Variants in NAA80 observed in about 807,000 individuals in gnomAD.
NAA80 encodes N-alpha-acetyltransferase 80, NatH catalytic subunit.
In NAA80, 5 loss-of-function variants were observed where a neutral mutation model predicts 8.7. That is an observed-to-expected ratio of 0.58 (90% CI 0.30 to 1.21). The LOEUF (loss-of-function observed/expected upper bound fraction) is 1.21, where lower values mean the gene tolerates loss of function less well. NAA80 is among the 50% of genes most tolerant of loss of function. The pLI is 0.07. For synonymous variants in NAA80, 149 were observed against 156.6 expected, an observed-to-expected ratio of 0.95 and a Z score of 0.36; for missense variants, 360 against 368.6, an observed-to-expected ratio of 0.98 and a Z score of 0.19.
rs1553711607 is a variant in NAA80 at position 50,297,560 on chromosome 3, G to A, written c.-97C>T. 1.3e-6 allele frequency: 2 copies of A among 1,500,776 alleles called. No homozygotes were observed. Among genetic ancestry groups the A allele is most frequent in the African/African-American group, 1.4e-5 (1 of 71,248 alleles). The allele number at this position is 1,500,776 out of a possible 1,614,324, so 93.0% of individuals were successfully genotyped here. A position where few individuals can be genotyped will look rare whatever the true frequency, so the allele number is the denominator to read the frequency against. ...CAGGATCCAGGTTCAGCTGAGTCAG[G>A]CTGGGAGCCAAGGTCACCTGCTGCT... On this transcript the variant is annotated 5_prime_UTR_variant, in exon 2 of 2. Coordinates refer to ENST00000443094, the MANE Select transcript of NAA80 (RefSeq NM_001200016.2). The surrounding 1 kb of genome is among the most constrained non-coding windows in gnomAD (Gnocchi z 4.3).
At chr3:50,299,170 G>C (rs1553711878) in intron 1 of NAA80, 43 bp downstream of exon 1, 2 of 1,614,090 alleles carry the variant, frequency 1.2e-6, no homozygotes, top group Admixed American at 1.7e-5. Flanking sequence ...CGCACGCGCG[G>C]GGTGGACCTA....
In NAA80 at chr3:50,296,506, A is replaced by G. The variant is rs1701844181; in HGVS notation, c.*97T>C. 7.1e-7 allele frequency: 1 copy of G among 1,411,012 alleles called. No individual in the cohort carries two copies. Among genetic ancestry groups the G allele is most frequent in the African/African-American group, 1.4e-5 (1 of 69,930 alleles). 87.4% of individuals were successfully genotyped at this position (1,411,012 alleles called of 1,614,324 possible). ...CATGCCCAGGTTAAAGCTGCCCCCC[A>G]GGGGCTAGGGGCTGAGGTATGGTCA... On this transcript the variant is annotated 3_prime_UTR_variant, in exon 2 of 2. Coordinates refer to ENST00000443094, the MANE Select transcript of NAA80 (RefSeq NM_001200016.2).
rs899740216 is a variant in NAA80 at position 50,297,824 on chromosome 3, C to A, written c.-209-152G>T. 14 of 1,126,170 alleles carry A rather than the reference C, an allele frequency of 1.2e-5. No individual in the cohort carries two copies. The East Asian group carries it at 6.8e-4, about 55-fold the overall frequency. 69.8% of individuals were successfully genotyped at this position (1,126,170 alleles called of 1,614,324 possible). On this transcript the variant is annotated intron_variant, in intron 1 of 1. Coordinates refer to ENST00000443094, the MANE Select transcript of NAA80 (RefSeq NM_001200016.2). This position sits in a 1 kb window ranked among gnomAD's most constrained non-coding sequence, Gnocchi z 4.3. ...ACACTCACCTGATAGCACAGGTGAC[C>A]TGGAAGAGACCCATCCCCTATAGAG...
chr3:50,299,003 C>T (rs1255844579), intron 1 of NAA80: 33 of 1,472,584 alleles, frequency 2.2e-5, no homozygotes, highest in Non-Finnish European at 3.0e-5. Flanking sequence ...TCCCGGGCCT[C>T]GGTTTCCCCC....
intron 1 of NAA80, 28 bp downstream of exon 1, chr3:50,299,185 C>T (rs782470555): frequency 1.9e-6 from 3 of 1,614,134 alleles, no homozygotes; most frequent in Non-Finnish European, 2.5e-6. Flanking sequence ...GACCTACAGG[C>T]AGCAAATGGG....
In NAA80 at chr3:50,297,963, T is replaced by C. The variant is rs1374944033; in HGVS notation, c.-209-291A>G. 2 of 988,396 alleles carry C rather than the reference T, an allele frequency of 2.0e-6. No individual in the cohort carries two copies. The highest frequency in any genetic ancestry group is 3.5e-5 in the African/African-American group (2 of 57,296). 61.2% of individuals were successfully genotyped at this position (988,396 alleles called of 1,614,324 possible). On this transcript the variant is annotated intron_variant, in intron 1 of 1. Coordinates refer to ENST00000443094, the MANE Select transcript of NAA80 (RefSeq NM_001200016.2). This position sits in a 1 kb window ranked among gnomAD's most constrained non-coding sequence, Gnocchi z 4.3. ...AGTCCTGGCCCCAGCCTGCTCTGGC[T>C]ACAAATTTGTCCTCCTCAGGACCTC...
At chr3:50,299,059 C>T in intron 1 of NAA80, 154 bp downstream of exon 1, 1 of 1,590,074 alleles carries the variant, frequency 6.3e-7, no homozygotes, top group Non-Finnish European at 8.5e-7. Context: ...GGAATGAGGA[C>T]TTCGAGAGCT....
At chr3:50,298,671 T>C (rs1157103498) in intron 1 of NAA80, 2 of 814,506 alleles carry the variant, frequency 2.5e-6, no homozygotes, top group South Asian at 5.0e-5. Flanking sequence ...GGCGGGCAGC[T>C]GAGCCCCCTC....
intron 1 of NAA80, chr3:50,298,735 G>A (rs2109297006): frequency 2.0e-6 from 2 of 1,015,032 alleles, no homozygotes; most frequent in South Asian, 7.2e-5. Flanking sequence ...CCTCTCCTGA[G>A]CTTGAGGCCA....
intron 1 of NAA80, chr3:50,298,945 C>T: frequency 7.0e-7 from 1 of 1,420,230 alleles, no homozygotes; most frequent in South Asian, 1.5e-5. Context: ...CGACCCCACC[C>T]ACTGTGGGCG....
chr3:50,296,749 G>C lies in NAA80; in HGVS notation c.715C>G (p.Pro239Ala), dbSNP rs1701861275. ...AGGGGAGGGGGTGGTGGCAATGGAG[G>C]TCCCTTGGGACCCCTTGGGGCAGCT... is the stretch of plus-strand genomic sequence containing the variant. ...AQAAPRGPKG[P>A]PLPPPPPLPE... is the part of the protein sequence containing the mutation. The change falls in exon 2 of 2, where the codon CCT becomes GCT. Residue 239 changes from proline (P) to alanine (A), a missense_variant. Coordinates refer to ENST00000443094, the MANE Select transcript of NAA80 (RefSeq NM_001200016.2). 1 of 1,609,048 alleles carries C rather than the reference G, an allele frequency of 6.2e-7. No homozygotes were observed. Among genetic ancestry groups the C allele is most frequent in the Non-Finnish European group, 8.5e-7 (1 of 1,177,576 alleles).
rs199539734 is a variant in NAA80 at position 50,296,808 on chromosome 3, C to T, written c.656G>A (p.Arg219Gln). 1.8e-3 allele frequency: 2,779 copies of T among 1,574,566 alleles called. 4 individuals are homozygous for T. The highest frequency in any genetic ancestry group is 2.2e-3 in the Non-Finnish European group (2,597 of 1,160,360). ...LNAFPTAPSP[R>Q]PPRKAPNLTA... ...CAGGTTTGGGGCCTTCCTGGGTGGC[C>T]GGGGAGAGGGGGCTGTGGGGAAGGC... is the stretch of plus-strand genomic sequence containing the variant. Residue 219 changes from arginine (R) to glutamine (Q), a missense_variant, in exon 2 of 2, where the codon CGG (arginine) becomes CAG (glutamine). By Grantham distance (43) the Arg-to-Gln change is conservative. Transcript: ENST00000443094.
In NAA80 at chr3:50,297,017, GC is replaced by G; in HGVS notation, c.446del (p.Gly149AlafsTer79). On this transcript the variant is annotated frameshift_variant, in exon 2 of 2. Transcript: ENST00000443094. LOFTEE classifies it low-confidence loss of function (END_TRUNC). The surrounding 1 kb of genome is among the most constrained non-coding windows in gnomAD (Gnocchi z 4.3). ...CCATGAGGCGGCGGCCAAAGCCACG[GC>G]CCCTCAGGGCCCGGGCCACCACCAC... The part of the protein sequence containing the change: ...ETVVVARALR[G>X]RGFGRRLMEG... 6 of 1,544,880 alleles carry G rather than the reference GC, an allele frequency of 3.9e-6. No homozygotes were observed. The highest frequency in any genetic ancestry group is 5.2e-6 in the Non-Finnish European group (6 of 1,149,846).
rs781844263 is a variant in NAA80, at chr3:50,297,020, C to T, written c.444G>A (p.Arg148=). Residue 148 remains arginine, a synonymous_variant, in exon 2 of 2, where the codon AGG becomes AGA. Coordinates refer to ENST00000443094, the MANE Select transcript of NAA80 (RefSeq NM_001200016.2). The surrounding 1 kb of genome is among the most constrained non-coding windows in gnomAD (Gnocchi z 4.3). The part of the protein sequence containing the change: ...VETVVVARAL[R]GRGFGRRLME... The stretch of plus-strand genomic sequence containing the variant: ...TGAGGCGGCGGCCAAAGCCACGGCC[C>T]CTCAGGGCCCGGGCCACCACCACTG... The T allele has an allele frequency of 4.5e-6, 7 of 1,545,012 alleles. No individual in the cohort carries two copies. The highest frequency in any genetic ancestry group is 5.2e-6 in the Non-Finnish European group (6 of 1,149,642).
rs1217734572 is a variant in NAA80 at position 50,298,936 on chromosome 3, G to T, written c.-210+277C>A. ...CCGCGGCCTTAACCCCTTCAGTGCC[G>T]ACCCCACCCACTGTGGGCGGGGCTC... is the stretch of plus-strand genomic sequence containing the variant. On this transcript the variant is annotated intron_variant, in intron 1 of 1. Transcript: ENST00000443094. The T allele has an allele frequency of 7.1e-6, 10 of 1,406,630 alleles. No individual in the cohort carries two copies. In the East Asian group the frequency reaches 1.9e-4, roughly 27 times the overall value. The allele number at this position is 1,406,630 out of a possible 1,614,324, so 87.1% of individuals were successfully genotyped here.
chr3:50,296,857 G>C lies in NAA80; in HGVS notation c.607C>G (p.Arg203Gly). Residue 203 changes from arginine (R) to glycine (G), a missense_variant, in exon 2 of 2, where the codon CGG (arginine) becomes GGG (glycine). Physicochemically the swap from Arg to Gly is moderately radical, Grantham distance 125 (BLOSUM62 -2). Transcript: ENST00000443094. ...GCATTAAGCAGGGTGGCAGGCAGCCGTCTGCTGGTGAAGACCAGGCCCTGC... is the reference window on the plus strand; with the variant it reads ...GCATTAAGCAGGGTGGCAGGCAGCCCTCTGCTGGTGAAGACCAGGCCCTGC... ...PVQGLVFTSR[R>G]LPATLLNAFP... The C allele has an allele frequency of 6.3e-7, 1 of 1,592,190 alleles. No homozygotes were observed. The highest frequency in any genetic ancestry group is 8.5e-7 in the Non-Finnish European group (1 of 1,170,488).
intron 1 of NAA80, among the ~76,000 whole-genome samples, chr3:50,298,461 C>T (rs906120297): frequency 1.3e-5 from 2 of 151,792 alleles, no homozygotes; most frequent in Non-Finnish European, 2.9e-5. Flanking sequence ...GCAGTATTGC[C>T]TCTGCAGGCT....
In NAA80 at chr3:50,296,665, G is replaced by T; in HGVS notation, c.799C>A (p.Leu267Met). ...VPSGPPSKSLLETQYQNVRGR... is the reference protein window; with the variant it reads ...VPSGPPSKSLMETQYQNVRGR... Reference sequence around the variant, plus strand: ...CTCACATTTTGATATTGTGTCTCCAGCAGGCTTTTTGAAGGGGGCCCTGAT... The same window carrying T: ...CTCACATTTTGATATTGTGTCTCCATCAGGCTTTTTGAAGGGGGCCCTGAT... The change falls in exon 2 of 2, where the codon CTG (leucine) becomes ATG (methionine). Residue 267 changes from leucine to methionine, a missense_variant. By Grantham distance (15) the Leu-to-Met change is conservative. Transcript: ENST00000443094. 1 of 1,614,018 alleles carries T rather than the reference G, an allele frequency of 6.2e-7. No homozygotes were observed.
At position 50,298,923 on chromosome 3, in the gene NAA80, C is replaced by A; in HGVS notation, c.-210+290G>T. 5 of 1,389,492 alleles carry A rather than the reference C, an allele frequency of 3.6e-6. No individual in the cohort carries two copies. The South Asian group carries it at 4.5e-5, about 13-fold the overall frequency. 86.1% of individuals were successfully genotyped at this position (1,389,492 alleles called of 1,614,324 possible). A position where few individuals can be genotyped will look rare whatever the true frequency, so the allele number is the denominator to read the frequency against. On this transcript the variant is annotated intron_variant, in intron 1 of 1. Coordinates refer to ENST00000443094, the MANE Select transcript of NAA80 (RefSeq NM_001200016.2). ...GCCCGGGGCTTCCCCGCGGCCTTAA[C>A]CCCTTCAGTGCCGACCCCACCCACT...
Sources: allele counts gnomAD v4.1 joint callset (sites outside exome capture counted in the v4.1 genomes callset), GRCh38; gene constraint gnomAD v4.1.1; non-coding constraint Gnocchi (gnomAD v3.1); transcripts MANE v1.5; gene names NCBI Gene and HGNC (gene_info 2026-07-23, HGNC 2026-07-21).